Variants in CTNNA3 observed in about 807,000 individuals in gnomAD.
CTNNA3 encodes the protein catenin alpha-3.
In CTNNA3, 76 loss-of-function variants were observed where a neutral mutation model predicts 95.7. The ratio of observed to expected loss-of-function variants is 0.79; its 90% CI spans 0.66 to 0.96. The LOEUF is 0.96. Ranked by LOEUF, CTNNA3 falls within the 40% of genes least tolerant of loss-of-function variation. The pLI is 0.00. For missense variants in CTNNA3, 1,191 were observed against 1,089.8 expected, an observed-to-expected ratio of 1.09 and a Z score of -1.31; for synonymous variants, 431 against 374.4, an observed-to-expected ratio of 1.15 and a Z score of -1.74.
chr10:66,861,237 T>C (rs1031734418), intron 7 of CTNNA3, among the ~76,000 whole-genome samples: 5 of 152,182 alleles, frequency 3.3e-5, no homozygotes, highest in Non-Finnish European at 5.9e-5. Flanking sequence ...CCTTGAATAA[T>C]ATTGTTCTTG....
chr10:65,945,005 G>A (rs1210703645), intron 17 of CTNNA3, among the ~76,000 whole-genome samples: 2 of 152,062 alleles, frequency 1.3e-5, no homozygotes, highest in African/African-American at 4.8e-5. Context: ...TACAGAGATT[G>A]ATTTAGCAAG....
chr10:66,166,496 C>A (rs1490573144), intron 13 of CTNNA3, among the ~76,000 whole-genome samples: 2 of 67,730 alleles, frequency 3.0e-5, no homozygotes, highest in African/African-American at 1.4e-4. Flanking sequence ...GACAGTCTGT[C>A]TCAAAAAAAA....
chr10:66,134,615 A>G (rs1432181945), intron 13 of CTNNA3, among the ~76,000 whole-genome samples: 1 of 152,176 alleles, frequency 6.6e-6, no homozygotes, highest in South Asian at 2.1e-4. Context: ...GCTTTCAAAC[A>G]GAAACATAGG....
chr10:67,217,388 T>G (rs1184535852), intron 6 of CTNNA3, among the ~76,000 whole-genome samples: 1 of 152,208 alleles, frequency 6.6e-6, no homozygotes, highest in African/African-American at 2.4e-5. Context: ...ACTTAGGCAT[T>G]TTTTACTAGT....
At chr10:67,406,505 T>C (rs575822684) in intron 5 of CTNNA3, among the ~76,000 whole-genome samples, 1 of 151,776 alleles carries the variant, frequency 6.6e-6, no homozygotes, top group South Asian at 2.1e-4. Flanking sequence ...ACATCACAAC[T>C]AAAAGAACTA....
At chr10:67,515,700 T>C (rs1027801483) in intron 5 of CTNNA3, among the ~76,000 whole-genome samples, 1 of 152,180 alleles carries the variant, frequency 6.6e-6, no homozygotes, top group Non-Finnish European at 1.5e-5. Context: ...TCACTTACCC[T>C]TAAAAGGAAT....
intron 17 of CTNNA3, among the ~76,000 whole-genome samples, chr10:65,936,926 T>C (rs12260951): frequency 0.041 from 6,266 of 151,986 alleles, 196 homozygotes; most frequent in East Asian, 0.15. Flanking sequence ...ACAGGCACAA[T>C]AATCATATCT....
At chr10:67,672,890 T>C (rs1840464962) in intron 1 of CTNNA3, among the ~76,000 whole-genome samples, 1 of 151,940 alleles carries the variant, frequency 6.6e-6, no homozygotes, top group South Asian at 2.1e-4. Flanking sequence ...TTCCCAATTC[T>C]GTGAAGAAAG....
intron 7 of CTNNA3, among the ~76,000 whole-genome samples, chr10:66,899,627 A>T (rs1845644482): frequency 6.6e-6 from 1 of 152,102 alleles, no homozygotes; most frequent in Non-Finnish European, 1.5e-5. Context: ...CTGTACCGGG[A>T]AAAACGGTAC....
At chr10:67,350,645 A>T (rs1428045104) in intron 5 of CTNNA3, among the ~76,000 whole-genome samples, 1 of 151,668 alleles carries the variant, frequency 6.6e-6, no homozygotes, top group Admixed American at 6.6e-5. Flanking sequence ...ACTGAGAAAC[A>T]TCTTTACACC....
intron 4 of CTNNA3, among the ~76,000 whole-genome samples, chr10:67,535,015 G>A (rs754827845): frequency 2.4e-4 from 36 of 152,070 alleles, no homozygotes; most frequent in East Asian, 9.6e-4. Context: ...ATAAAAGCAG[G>A]CAAGCAATGG....
At chr10:66,149,086 C>A (rs1378996129) in intron 13 of CTNNA3, among the ~76,000 whole-genome samples, 1 of 149,806 alleles carries the variant, frequency 6.7e-6, no homozygotes, top group Non-Finnish European at 1.5e-5. Flanking sequence ...TTATAGTTAA[C>A]TATATAGTAA....
intron 5 of CTNNA3, among the ~76,000 whole-genome samples, chr10:67,240,847 C>T (rs1865691823): frequency 6.6e-6 from 1 of 152,024 alleles, no homozygotes; most frequent in Non-Finnish European, 1.5e-5. Context: ...TGTGTGTGCA[C>T]ATGTGTGTGT....
At chr10:67,060,733 G>A (rs1855710463) in intron 7 of CTNNA3, among the ~76,000 whole-genome samples, 1 of 152,110 alleles carries the variant, frequency 6.6e-6, no homozygotes, top group Non-Finnish European at 1.5e-5. Flanking sequence ...AGATGATGTA[G>A]CTAGAAAACT....
chr10:66,474,613 G>C (rs537834273), intron 11 of CTNNA3, among the ~76,000 whole-genome samples: 2 of 151,918 alleles, frequency 1.3e-5, no homozygotes, highest in South Asian at 4.2e-4. Flanking sequence ...TTTTTTGAGA[G>C]ACTTACATTC....
chr10:67,082,266 G>A (rs73256502), intron 7 of CTNNA3, among the ~76,000 whole-genome samples: 2,951 of 152,264 alleles, frequency 0.019, 79 homozygotes, highest in African/African-American at 0.06. Flanking sequence ...TTTAACCGCT[G>A]CTTGCTCCCT....
intron 10 of CTNNA3, among the ~76,000 whole-genome samples, chr10:66,558,108 C>T (rs567824033): frequency 2.0e-5 from 3 of 152,176 alleles, no homozygotes; most frequent in South Asian, 4.2e-4. Flanking sequence ...AGAATAAGCA[C>T]TGGGGAAAAC....
intron 5 of CTNNA3, among the ~76,000 whole-genome samples, chr10:67,310,902 C>A (rs1413614266): frequency 6.6e-6 from 1 of 152,110 alleles, no homozygotes; most frequent in Admixed American, 6.5e-5. Context: ...ACATATCAAC[C>A]ACTTTATTCT....
At chr10:66,815,560 C>A (rs1842044487) in intron 7 of CTNNA3, among the ~76,000 whole-genome samples, 3 of 152,054 alleles carry the variant, frequency 2.0e-5, no homozygotes, top group Admixed American at 2.0e-4. Context: ...AAATATTCTC[C>A]TTATTTGACA....
Sources: gnomAD v4.1 joint callset for allele counts (sites outside exome capture counted in the v4.1 genomes callset) on GRCh38, gnomAD v4.1.1 for gene constraint, MANE v1.5 for transcripts, NCBI Gene and HGNC (gene_info 2026-07-23, HGNC 2026-07-21) for gene names.